The following MYH14 variants were observed in gnomAD, a reference collection of about 807,000 sequenced individuals.
MYH14 encodes the protein myosin heavy chain 14, also known as myosin-14.
In MYH14, 123 loss-of-function variants were observed where a neutral mutation model predicts 255.5. The ratio of observed to expected loss-of-function variants is 0.48; its 90% CI spans 0.42 to 0.56. The LOEUF is 0.56. MYH14 is among the 20% of genes least tolerant of loss of function. The pLI, the probability that MYH14 is intolerant of heterozygous loss-of-function variation, is 0.00. For synonymous variants in MYH14, 1,095 were observed against 1,161.2 expected, an observed-to-expected ratio of 0.94 and a Z score of 1.16; for missense variants, 2,423 against 2,802.3, an observed-to-expected ratio of 0.86 and a Z score of 3.06.
intron 10 of MYH14, among the ~76,000 whole-genome samples, chr19:50,243,425 A>G (rs567635936): frequency 2.7e-4 from 41 of 151,968 alleles, no homozygotes; most frequent in African/African-American, 9.4e-4. Context: ...GACAAGAATG[A>G]GACTCCGTCT....
At position 50,252,376 on chromosome 19, in the gene MYH14, G is replaced by C. The variant is rs893304126; in HGVS notation, c.1831-263G>C. Among the ~76,000 whole-genome samples, 3 of 152,290 alleles carry C rather than the reference G, an allele frequency of 2.0e-5. No individual in the cohort carries two copies. Among genetic ancestry groups the C allele is most frequent in the African/African-American group, 7.2e-5 (3 of 41,564 alleles). On this transcript the variant is annotated intron_variant, in intron 15 of 42. Transcript: ENST00000642316. The surrounding 1 kb of genome is among the most constrained non-coding windows in gnomAD (Gnocchi z 4.2). Reference sequence around the variant, plus strand: ...TGTTTGAGGAACAGTGCGGAGGCCAGGGTGGCTGGAGCGGAATGAATAGGA... The same window carrying C: ...TGTTTGAGGAACAGTGCGGAGGCCACGGTGGCTGGAGCGGAATGAATAGGA...
In MYH14 at chr19:50,257,370, G is replaced by T; in HGVS notation, c.2116G>T (p.Gly706Cys). The stretch of plus-strand genomic sequence containing the variant: ...CCCACCAGGTGGCCGCCCCCGTCGG[G>T]GTATGTTCCGGACAGTGGGACAGCT... Reference protein sequence around the residue: ...DGPPGGRPRRGMFRTVGQLYK... With the variant: ...DGPPGGRPRRCMFRTVGQLYK... Residue 706 changes from glycine (G) to cysteine (C), a missense_variant, in exon 18 of 43, where the codon GGT (glycine) becomes TGT (cysteine). Gly to Cys is a radical substitution (Grantham distance 159). This residue lies in a region of MYH14 where 672 missense variants were observed against 881.8 expected (regional missense o/e 0.76). Coordinates refer to ENST00000642316, the MANE Select transcript of MYH14 (RefSeq NM_001145809.2). The T allele has an allele frequency of 6.2e-7, 1 of 1,608,586 alleles. No homozygotes were observed. Among genetic ancestry groups the T allele is most frequent in the Non-Finnish European group, 8.5e-7 (1 of 1,177,482 alleles).
intron 2 of MYH14, 101 bp from the exon 3 acceptor site, chr19:50,217,513 GA>G: frequency 7.6e-7 from 1 of 1,311,262 alleles, no homozygotes; most frequent in South Asian, 1.2e-5. Context: ...ACCATGTGCA[GA>G]TAGATGCCCT....
rs147143020 is a variant in MYH14, at chr19:50,243,686, A to G, written c.1115-556A>G. On this transcript the variant is annotated intron_variant, in intron 10 of 42. Transcript: ENST00000642316. ...AAGTCACAAGAATCGACTATACTTT[A>G]TATTTCCTCCCTTTTGCACATAGAT... 7.2e-4 allele frequency among the ~76,000 whole-genome samples: 110 copies of G among 152,342 alleles called. 1 individual carries two copies. Among genetic ancestry groups the G allele is most frequent in the African/African-American group, 2.6e-3 (107 of 41,576 alleles).
chr19:50,248,238 G>A (rs2034211914), intron 12 of MYH14, among the ~76,000 whole-genome samples: 2 of 152,088 alleles, frequency 1.3e-5, no homozygotes, highest in Admixed American at 6.6e-5. Flanking sequence ...CTACATAGGA[G>A]GCCATTGAGG....
chr19:50,238,067 C>T (rs2033738742), intron 10 of MYH14, among the ~76,000 whole-genome samples: 1 of 152,236 alleles, frequency 6.6e-6, no homozygotes, highest in South Asian at 2.1e-4. Context: ...GTCTGTCCAT[C>T]TCCTTCCCCA....
chr19:50,249,533 C>CGA (rs1249149279), intron 13 of MYH14, 117 bp from the exon 14 acceptor site: 37 of 703,120 alleles, frequency 5.3e-5, no homozygotes, highest in African/African-American at 2.7e-4. Flanking sequence ...CCCCCTCTCT[C>CGA]TGGGTCTCTG....
intron 23 of MYH14, 69 bp downstream of exon 23, chr19:50,267,077 G>A: frequency 7.1e-7 from 1 of 1,413,492 alleles, no homozygotes; most frequent in Non-Finnish European, 9.5e-7. Flanking sequence ...GGTGGAGCCA[G>A]GTGTGAGGGG....
chr19:50,253,937 G>T (rs2034493935), intron 16 of MYH14, among the ~76,000 whole-genome samples: 1 of 152,204 alleles, frequency 6.6e-6, no homozygotes. Flanking sequence ...AAAATGAGCG[G>T]CCAGGCGCGG....
In MYH14 at chr19:50,307,133, G is replaced by C; in HGVS notation, c.5763G>C (p.Arg1921Ser). ...TGCTCCAGGTGGAGGAGGAGCGGAGGGTGGCTGACCAGCTCCGGGACCAGG... is the reference window on the plus strand; with the variant it reads ...TGCTCCAGGTGGAGGAGGAGCGGAGCGTGGCTGACCAGCTCCGGGACCAGG... The part of the protein sequence containing the change: ...EVVLQVEEER[R>S]VADQLRDQLE... The change falls in exon 41 of 43, where the codon AGG (arginine) becomes AGC (serine). Residue 1921 changes from arginine (R) to serine (S), a missense_variant. Physicochemically the swap from Arg to Ser is moderately radical, Grantham distance 110 (BLOSUM62 -1). This residue lies in a region of MYH14 where 1,513 missense variants were observed against 1,674.8 expected (regional missense o/e 0.90). Transcript: ENST00000642316. The C allele has an allele frequency of 1.3e-6, 2 of 1,549,270 alleles. No homozygotes were observed. Among genetic ancestry groups the C allele is most frequent in the Non-Finnish European group, 1.7e-6 (2 of 1,146,366 alleles).
At chr19:50,301,977 C>A in intron 40 of MYH14, 108 bp downstream of exon 40, 1 of 902,884 alleles carries the variant, frequency 1.1e-6, no homozygotes, top group Non-Finnish European at 1.7e-6. Context: ...CAAAAGACAT[C>A]ATCATAGTAA....
At chr19:50,207,271 C>CAGAGAGGG (rs2031836231) in intron 1 of MYH14, among the ~76,000 whole-genome samples, 1 of 76,804 alleles carries the variant, frequency 1.3e-5, no homozygotes, top group Non-Finnish European at 2.5e-5. Flanking sequence ...GAGAGAGAGA[C>CAGAGAGGG]AGAGAGAGAG....
At chr19:50,235,915 A>G (rs575012208) in intron 10 of MYH14, among the ~76,000 whole-genome samples, 59 of 152,174 alleles carry the variant, frequency 3.9e-4, no homozygotes, top group Admixed American at 1.2e-3. Context: ...AAATAGATGG[A>G]CCTCATTCCT....
rs754090527 is a variant in MYH14, at chr19:50,293,578, A to C, written c.5360A>C (p.Glu1787Ala). The change falls in exon 39 of 43, where the codon GAG becomes GCG. Residue 1787 changes from glutamate (E) to alanine (A), a missense_variant. Coordinates refer to ENST00000642316, the MANE Select transcript of MYH14 (RefSeq NM_001145809.2). This position sits in a 1 kb window ranked among gnomAD's most constrained non-coding sequence, Gnocchi z 4.1. The stretch of plus-strand genomic sequence containing the variant: ...TGTCTCCCTAGGGCAGCCATTCTGG[A>C]GGAGAAGCGTCAGCTGGAGGGGCGC... ...NGNLSKAAIL[E>A]EKRQLEGRLG... 3 of 1,613,142 alleles carry C rather than the reference A, an allele frequency of 1.9e-6. No individual in the cohort carries two copies. In the South Asian group the frequency reaches 3.3e-5, roughly 18 times the overall value.
In MYH14 at chr19:50,257,454, GTCC is replaced by G; in HGVS notation, c.2201_2203del (p.Val734_Arg735delinsGly). 6.2e-7 allele frequency: 1 copy of G among 1,607,420 alleles called. No homozygotes were observed. The highest frequency in any genetic ancestry group is 8.5e-7 in the Non-Finnish European group (1 of 1,176,824). ...ACTCAGCAACACCAACCCCAGTTTTGTCCGCTGCATTGTCCCCAACCACGAGAA... is the reference window on the plus strand; with the variant it reads ...ACTCAGCAACACCAACCCCAGTTTTGGCTGCATTGTCCCCAACCACGAGAA... On this transcript the variant is annotated inframe_deletion, in exon 18 of 43. Transcript: ENST00000642316.
chr19:50,292,733 G>C (rs1390020215), intron 37 of MYH14, among the ~76,000 whole-genome samples: 1 of 152,098 alleles, frequency 6.6e-6, no homozygotes, highest in Admixed American at 6.5e-5. Context: ...CTCTGTAGCA[G>C]TTGAACTGGA....
At chr19:50,239,906 A>G (rs1268191717) in intron 10 of MYH14, among the ~76,000 whole-genome samples, 1 of 152,208 alleles carries the variant, frequency 6.6e-6, no homozygotes. Context: ...CACCAATAAA[A>G]GGAGCACAGG....
At chr19:50,229,044 A>G (rs569274864) in intron 8 of MYH14, among the ~76,000 whole-genome samples, 1 of 152,168 alleles carries the variant, frequency 6.6e-6, no homozygotes, top group African/African-American at 2.4e-5. Context: ...CCTCTCTGCA[A>G]CCCTGCGAGG....
At chr19:50,209,053 A>G (rs1295558443) in intron 1 of MYH14, among the ~76,000 whole-genome samples, 1 of 152,202 alleles carries the variant, frequency 6.6e-6, no homozygotes. Flanking sequence ...TTTTTAATTA[A>G]TAAATTTCAG....
Sources: gnomAD v4.1 joint callset for allele counts (sites outside exome capture counted in the v4.1 genomes callset) on GRCh38, gnomAD v4.1.1 for gene constraint, gnomAD v4.1.1 regional missense constraint, Gnocchi (gnomAD v3.1) non-coding constraint, MANE v1.5 for transcripts, NCBI Gene and HGNC (gene_info 2026-07-23, HGNC 2026-07-21) for gene names.